GALNTL6: variants seen among roughly 807,000 people sequenced by gnomAD.
GALNTL6 encodes polypeptide N-acetylgalactosaminyltransferase like 6.
A neutral mutation model predicts 73.7 loss-of-function variants in GALNTL6; 46 were observed. The ratio of observed to expected loss-of-function variants is 0.62; its 90% CI spans 0.49 to 0.80. GALNTL6 has a LOEUF of 0.80. GALNTL6 is among the 30% of genes least tolerant of loss of function. GALNTL6 has a pLI of 0.00. For missense variants in GALNTL6, 604 were observed against 755.0 expected (o/e 0.80, Z 2.34); for synonymous variants, 259 against 263.7 (o/e 0.98, Z 0.17).
At chr4:173,033,217 G>GGGT (rs1753544231) in intron 12 of GALNTL6, among the ~76,000 whole-genome samples, 2 of 151,920 alleles carry the variant, frequency 1.3e-5, no homozygotes, top group East Asian at 3.9e-4. Flanking sequence ...GGCCAGTCTG[G>GGGT]TCTCAAACTC....
chr4:172,835,035 A>T (rs1211912902), intron 7 of GALNTL6, among the ~76,000 whole-genome samples: 1 of 152,206 alleles, frequency 6.6e-6, no homozygotes, highest in Non-Finnish European at 1.5e-5. Context: ...CCTGCTCAAG[A>T]TGTCACCAAG....
intron 2 of GALNTL6, among the ~76,000 whole-genome samples, chr4:171,946,606 G>C (rs1318173062): frequency 1.3e-5 from 2 of 152,176 alleles, no homozygotes; most frequent in Non-Finnish European, 2.9e-5. Context: ...AGACAAATGA[G>C]AGGAGAGTAA....
chr4:172,313,090 G>A (rs1740417583), intron 4 of GALNTL6, among the ~76,000 whole-genome samples: 1 of 151,462 alleles, frequency 6.6e-6, no homozygotes, highest in Admixed American at 6.6e-5. Context: ...TATGCTAAGA[G>A]AGTAATTTTT....
chr4:172,441,063 A>C (rs547062932), intron 5 of GALNTL6, among the ~76,000 whole-genome samples: 7 of 152,140 alleles, frequency 4.6e-5, no homozygotes, highest in Non-Finnish European at 7.4e-5. Flanking sequence ...TCTTCATTAA[A>C]TTAAACATCT....
At chr4:172,096,531 C>T (rs1231268231) in intron 2 of GALNTL6, among the ~76,000 whole-genome samples, 1 of 124,724 alleles carries the variant, frequency 8.0e-6, no homozygotes, top group African/African-American at 3.2e-5. Context: ...ACTGACAGCC[C>T]TTTTTATAAA....
chr4:172,076,268 T>C (rs1421427551), intron 2 of GALNTL6, among the ~76,000 whole-genome samples: 1 of 152,138 alleles, frequency 6.6e-6, no homozygotes, highest in African/African-American at 2.4e-5. Flanking sequence ...CTATTCAGCA[T>C]CTCTTTTCAC....
At chr4:172,866,482 G>A (rs997813815) in intron 7 of GALNTL6, among the ~76,000 whole-genome samples, 1 of 152,220 alleles carries the variant, frequency 6.6e-6, no homozygotes, top group African/African-American at 2.4e-5. Flanking sequence ...AGGGCGAGTT[G>A]TGAGAATAGA....
At chr4:172,449,137 G>A (rs1230319603) in intron 5 of GALNTL6, among the ~76,000 whole-genome samples, 1 of 152,024 alleles carries the variant, frequency 6.6e-6, no homozygotes, top group African/African-American at 2.4e-5. Flanking sequence ...AGTGAAAATA[G>A]CCTTGCTTTT....
chr4:172,781,980 T>C (rs1739392789), intron 5 of GALNTL6, among the ~76,000 whole-genome samples: 1 of 151,764 alleles, frequency 6.6e-6, no homozygotes, highest in South Asian at 2.1e-4. Flanking sequence ...AAAATAGTAT[T>C]TCCTATCTAA....
intron 2 of GALNTL6, among the ~76,000 whole-genome samples, chr4:172,148,141 A>C (rs1394499543): frequency 6.6e-6 from 1 of 152,132 alleles, no homozygotes; most frequent in Admixed American, 6.5e-5. Context: ...TTAAGCCAAC[A>C]ATTTATATTT....
At chr4:171,828,033 T>C (rs1383075172) in intron 2 of GALNTL6, among the ~76,000 whole-genome samples, 2 of 152,090 alleles carry the variant, frequency 1.3e-5, no homozygotes, top group Non-Finnish European at 2.9e-5. Flanking sequence ...CAAAAATCTA[T>C]TATAAAAAGT....
At chr4:172,359,534 T>C (rs1742290453) in intron 5 of GALNTL6, among the ~76,000 whole-genome samples, 1 of 152,162 alleles carries the variant, frequency 6.6e-6, no homozygotes, top group African/African-American at 2.4e-5. Context: ...CAGTGTTTTT[T>C]TAAAGAATCA....
chr4:172,101,209 T>TA (rs1732505330), intron 2 of GALNTL6, among the ~76,000 whole-genome samples: 1 of 152,066 alleles, frequency 6.6e-6, no homozygotes. Flanking sequence ...TTTCCTTCCT[T>TA]ACAACTCTAA....
At chr4:172,977,771 T>C (rs1012900443) in intron 10 of GALNTL6, among the ~76,000 whole-genome samples, 1 of 152,186 alleles carries the variant, frequency 6.6e-6, no homozygotes, top group Non-Finnish European at 1.5e-5. Context: ...GGTGCACATG[T>C]GCAGTAGCTG....
intron 5 of GALNTL6, among the ~76,000 whole-genome samples, chr4:172,614,295 A>G (rs918968569): frequency 2.6e-5 from 4 of 152,134 alleles, no homozygotes; most frequent in Admixed American, 2.6e-4. Flanking sequence ...AGAAAAACTA[A>G]TTATTTTTTG....
At chr4:171,875,858 A>G (rs1044106231) in intron 2 of GALNTL6, among the ~76,000 whole-genome samples, 8 of 151,122 alleles carry the variant, frequency 5.3e-5, no homozygotes, top group African/African-American at 1.5e-4. Flanking sequence ...ATGGCTAACT[A>G]TCTGCCTACT....
At chr4:172,757,930 A>C (rs983158089) in intron 5 of GALNTL6, among the ~76,000 whole-genome samples, 1 of 152,234 alleles carries the variant, frequency 6.6e-6, no homozygotes, top group Non-Finnish European at 1.5e-5. Context: ...CTAAATTAAT[A>C]ATTGTAAGCA....
intron 5 of GALNTL6, among the ~76,000 whole-genome samples, chr4:172,394,428 CT>C (rs201130774): frequency 0.11 from 13,739 of 120,110 alleles, 467 homozygotes; most frequent in East Asian, 0.15. Flanking sequence ...TCTTCTTCTT[CT>C]TTTTTTTTTT....
intron 7 of GALNTL6, among the ~76,000 whole-genome samples, chr4:172,818,580 C>T (rs1397340572): frequency 6.6e-6 from 1 of 152,146 alleles, no homozygotes; most frequent in Admixed American, 6.5e-5. Context: ...TATACAGCAG[C>T]GGGGAAATTC....
Sources: gnomAD v4.1 joint callset for allele counts (sites outside exome capture counted in the v4.1 genomes callset) on GRCh38, gnomAD v4.1.1 for gene constraint, MANE v1.5 for transcripts, NCBI Gene and HGNC (gene_info 2026-07-23, HGNC 2026-07-21) for gene names.